ITGBL1: variants seen among roughly 807,000 people sequenced by gnomAD.
ITGBL1 encodes integrin subunit beta like 1, also known as integrin beta-like protein 1.
Under a neutral mutation model 68.5 loss-of-function variants are expected in ITGBL1, and 51 were observed. The ratio of observed to expected loss-of-function variants is 0.74; its 90% CI spans 0.59 to 0.94. The LOEUF is 0.94. Ranked by LOEUF, ITGBL1 falls within the 40% of genes least tolerant of loss-of-function variation. The probability of loss-of-function intolerance (pLI) is 0.00; values close to 1 mark genes in which losing one functional copy is unlikely to be tolerated. For synonymous variants in ITGBL1, 209 were observed against 227.3 expected, an observed-to-expected ratio of 0.92 and a Z score of 0.72; for missense variants, 649 against 647.4, an observed-to-expected ratio of 1.00 and a Z score of -0.03.
At chr13:101,575,269 G>T (rs775768073) in intron 3 of ITGBL1, among the ~76,000 whole-genome samples, 155 bp from the exon 4 acceptor site, 3 of 152,144 alleles carry the variant, frequency 2.0e-5, no homozygotes, top group Non-Finnish European at 4.4e-5. Flanking sequence ...AGAAAGAGTA[G>T]CATGTGCTTT....
At chr13:101,453,396 G>A (rs1325245873) in intron 1 of ITGBL1, among the ~76,000 whole-genome samples, 1 of 152,186 alleles carries the variant, frequency 6.6e-6, no homozygotes, top group African/African-American at 2.4e-5. Context: ...AATTATGCCC[G>A]ATGCTATCAT....
intron 2 of ITGBL1, among the ~76,000 whole-genome samples, chr13:101,527,643 G>C (rs1005620578): frequency 7.9e-5 from 12 of 151,890 alleles, no homozygotes; most frequent in African/African-American, 2.9e-4. Context: ...ACAATGTCTG[G>C]GAGTTCTGGT....
chr13:101,486,922 A>G (rs1249175155), intron 2 of ITGBL1, among the ~76,000 whole-genome samples: 8 of 151,966 alleles, frequency 5.3e-5, no homozygotes, highest in Non-Finnish European at 7.4e-5. Context: ...TCTTATTTTT[A>G]ATGCTTTCTA....
At position 101,624,012 on chromosome 13, in the gene ITGBL1, C is replaced by T. The variant is rs569506312; in HGVS notation, c.1015+25713C>T. Among the ~76,000 whole-genome samples the T allele has an allele frequency of 2.6e-5, 4 of 152,294 alleles. No homozygotes were observed. The East Asian group carries it at 7.7e-4, about 29-fold the overall frequency. On this transcript the variant is annotated intron_variant, in intron 7 of 10. Coordinates refer to ENST00000376180, the MANE Select transcript of ITGBL1 (RefSeq NM_004791.3). The stretch of plus-strand genomic sequence containing the variant: ...CCACCCAGTTTACAATGTATACAAT[C>T]TCTTATATTCATGTGGCTTAGTGAT...
intron 7 of ITGBL1, among the ~76,000 whole-genome samples, chr13:101,689,420 T>C (rs4000): frequency 0.21 from 31,322 of 151,526 alleles, 3,401 homozygotes; most frequent in African/African-American, 0.23. Context: ...AGTGGCTAAA[T>C]AGAAGTTGTG....
intron 8 of ITGBL1, among the ~76,000 whole-genome samples, chr13:101,698,025 T>C (rs2034042789): frequency 6.6e-6 from 1 of 152,134 alleles, no homozygotes; most frequent in Admixed American, 6.6e-5. Flanking sequence ...GAACAAATCT[T>C]ACTAATATGA....
chr13:101,541,394 G>A (rs983874655), intron 2 of ITGBL1, among the ~76,000 whole-genome samples: 1 of 152,080 alleles, frequency 6.6e-6, no homozygotes, highest in Non-Finnish European at 1.5e-5. Context: ...TGCATCCCAG[G>A]GATGAAGCCC....
intron 2 of ITGBL1, among the ~76,000 whole-genome samples, chr13:101,497,713 A>G (rs1412852714): frequency 6.6e-6 from 1 of 151,880 alleles, no homozygotes; most frequent in African/African-American, 2.4e-5. Context: ...CTCGGTCCTT[A>G]CTCCCCAAGT....
At chr13:101,548,543 G>T (rs1051206910) in intron 2 of ITGBL1, among the ~76,000 whole-genome samples, 6 of 151,858 alleles carry the variant, frequency 4.0e-5, no homozygotes, top group Admixed American at 3.3e-4. Flanking sequence ...TCCCCAAAAA[G>T]CAGCATTAAG....
chr13:101,578,794 G>A (rs2050405684), intron 4 of ITGBL1, among the ~76,000 whole-genome samples: 1 of 152,194 alleles, frequency 6.6e-6, no homozygotes, highest in Admixed American at 6.5e-5. Flanking sequence ...AACAGCTTGT[G>A]GGGCACAGTT....
intron 5 of ITGBL1, among the ~76,000 whole-genome samples, chr13:101,580,878 G>A (rs551058351): frequency 3.9e-5 from 6 of 152,286 alleles, no homozygotes; most frequent in South Asian, 2.1e-4. Context: ...ATCCCACTTC[G>A]CTGTGCTTGG....
At chr13:101,588,517 A>T (rs1414583963) in intron 6 of ITGBL1, among the ~76,000 whole-genome samples, 2 of 152,168 alleles carry the variant, frequency 1.3e-5, no homozygotes, top group South Asian at 2.1e-4. Flanking sequence ...TAAATTTGAC[A>T]AACCAGCATG....
intron 7 of ITGBL1, among the ~76,000 whole-genome samples, chr13:101,655,334 G>A (rs188802892): frequency 1.3e-4 from 20 of 152,286 alleles, no homozygotes; most frequent in South Asian, 4.1e-4. Flanking sequence ...AAAAGCAGTT[G>A]CCAGACATGC....
chr13:101,579,179 C>T (rs1270773364), intron 4 of ITGBL1, 108 bp from the exon 5 acceptor site: 2 of 1,132,036 alleles, frequency 1.8e-6, no homozygotes, highest in Non-Finnish European at 2.6e-6. Context: ...GAATGTGGAG[C>T]TGTGACAGTA....
intron 9 of ITGBL1, 178 bp from the exon 10 acceptor site, chr13:101,714,260 T>C: frequency 1.7e-6 from 1 of 597,112 alleles, no homozygotes; most frequent in Non-Finnish European, 3.0e-6. Context: ...CTTTCCTGGG[T>C]GACCTTTATG....
At chr13:101,638,677 C>T (rs1044480583) in intron 7 of ITGBL1, among the ~76,000 whole-genome samples, 1 of 152,112 alleles carries the variant, frequency 6.6e-6, no homozygotes, top group Non-Finnish European at 1.5e-5. Flanking sequence ...GATTTATTCA[C>T]TACCATGAGA....
At chr13:101,699,344 C>T (rs1295803582) in intron 8 of ITGBL1, among the ~76,000 whole-genome samples, 1 of 152,170 alleles carries the variant, frequency 6.6e-6, no homozygotes, top group Non-Finnish European at 1.5e-5. Flanking sequence ...CTGCTCTGCC[C>T]TTCCAGTATG....
chr13:101,678,346 A>G (rs1436912911), intron 7 of ITGBL1, among the ~76,000 whole-genome samples: 1 of 152,204 alleles, frequency 6.6e-6, no homozygotes, highest in Non-Finnish European at 1.5e-5. Context: ...TTTAAAAGAT[A>G]AGCCTATTTG....
intron 2 of ITGBL1, among the ~76,000 whole-genome samples, chr13:101,469,645 T>G (rs1228790449): frequency 5.3e-5 from 8 of 152,064 alleles, no homozygotes; most frequent in Non-Finnish European, 1.2e-4. Context: ...ATCACACCAT[T>G]GTACTCCAGC....
Sources: allele counts gnomAD v4.1 joint callset (sites outside exome capture counted in the v4.1 genomes callset), GRCh38; gene constraint gnomAD v4.1.1; transcripts MANE v1.5; gene names NCBI Gene and HGNC (gene_info 2026-07-23, HGNC 2026-07-21).